Variants in DMXL2 observed in about 807,000 individuals in gnomAD.
The protein encoded by DMXL2 is Dmx like 2.
A neutral mutation model predicts 331.1 loss-of-function variants in DMXL2; 103 were observed. The ratio of observed to expected loss-of-function variants is 0.31; its 90% confidence interval spans 0.27 to 0.37. The LOEUF (loss-of-function observed/expected upper bound fraction) is 0.37. DMXL2 is among the 10% of genes least tolerant of loss of function. The pLI, the probability that DMXL2 is intolerant of heterozygous loss-of-function variation, is 1.00. For synonymous variants in DMXL2, 1,281 were observed against 1,252.1 expected (o/e 1.02, Z -0.49); for missense variants, 3,171 against 3,642.9 (o/e 0.87, Z 3.33).
At chr15:51,558,655 C>T (rs1476924433) in intron 6 of DMXL2, among the ~76,000 whole-genome samples, 1 of 152,100 alleles carries the variant, frequency 6.6e-6, no homozygotes, top group Non-Finnish European at 1.5e-5. Context: ...ACCTCTGTGC[C>T]AACTAACTGC....
intron 27 of DMXL2, 130 bp downstream of exon 27, chr15:51,476,459 A>G (rs1408335915): frequency 1.4e-5 from 15 of 1,081,492 alleles, no homozygotes; most frequent in Admixed American, 2.5e-5. Context: ...GCAGAAAAAC[A>G]TCATCAAAAA....
At chr15:51,593,300 G>A (rs1392312982) in intron 1 of DMXL2, among the ~76,000 whole-genome samples, 2 of 152,086 alleles carry the variant, frequency 1.3e-5, no homozygotes, top group Non-Finnish European at 2.9e-5. Flanking sequence ...AACCAACAAA[G>A]ATCAAAAGAG....
intron 1 of DMXL2, among the ~76,000 whole-genome samples, chr15:51,588,178 G>C (rs2052009283): frequency 6.8e-6 from 1 of 146,258 alleles, no homozygotes; most frequent in Admixed American, 6.8e-5. Context: ...TTTTTTTTGA[G>C]ATGAGGTCTC....
Position 51,537,678 on chromosome 15 carries a change from G to A in DMXL2, c.1427C>T (p.Thr476Ile), listed in dbSNP as rs757537450. The A allele has an allele frequency of 6.2e-7, 1 of 1,613,878 alleles. No homozygotes were observed. The change falls in exon 11 of 44, where the codon ACT (threonine) becomes ATT (isoleucine). Residue 476 changes from threonine to isoleucine, a missense_variant. This residue lies in a region of DMXL2 where 1,674 missense variants were observed against 1,780.2 expected (regional missense o/e 0.94). Transcript: ENST00000560891. The part of the protein sequence containing the change: ...EDGEREGSPR[T>I]YSRLSVPMPL... ...CATTGGTACACTAAGTCGTGAGTAA[G>A]TTCTAGGACTTCCTTCTCTTTCTCC...
At chr15:51,471,444 C>A in intron 28 of DMXL2, 43 bp from the exon 29 acceptor site, 1 of 1,536,324 alleles carries the variant, frequency 6.5e-7, no homozygotes, top group South Asian at 1.2e-5. Context: ...CATTCATTTT[C>A]CATTGTTAAT....
At chr15:51,509,203 A>C (rs2046601384) in intron 15 of DMXL2, among the ~76,000 whole-genome samples, 1 of 152,146 alleles carries the variant, frequency 6.6e-6, no homozygotes, top group Admixed American at 6.5e-5. Flanking sequence ...TTAAAAAAAA[A>C]AACTTGCTCT....
intron 1 of DMXL2, among the ~76,000 whole-genome samples, chr15:51,614,273 G>GA (rs534062505): frequency 7.6e-4 from 115 of 151,968 alleles, no homozygotes; most frequent in African/African-American, 2.6e-3. Context: ...GAACTGTGAG[G>GA]AAAAAAAATC....
At chr15:51,550,685 G>T (rs898078174) in intron 6 of DMXL2, among the ~76,000 whole-genome samples, 1 of 152,030 alleles carries the variant, frequency 6.6e-6, no homozygotes, top group African/African-American at 2.4e-5. Flanking sequence ...TTTTTAAAAT[G>T]TTCCAATACA....
At chr15:51,532,532 T>C (rs1166789860) in intron 13 of DMXL2, among the ~76,000 whole-genome samples, 1 of 152,184 alleles carries the variant, frequency 6.6e-6, no homozygotes, top group African/African-American at 2.4e-5. Flanking sequence ...AAGAGTGTAA[T>C]TAGATCATTT....
chr15:51,536,553 T>C lies in DMXL2; in HGVS notation c.1927A>G (p.Lys643Glu). The C allele has an allele frequency of 1.2e-6, 2 of 1,613,934 alleles. No homozygotes were observed. The highest frequency in any genetic ancestry group is 8.5e-7 in the Non-Finnish European group (1 of 1,179,926). ...AFTTVLTVSHKFRYCGHRFHL... is the reference protein window; with the variant it reads ...AFTTVLTVSHEFRYCGHRFHL... ...AATCGATGACCGCAATATCTAAATT[T>C]GTGAGATACAGTTAGAACAGTGGTA... Residue 643 changes from lysine (K) to glutamate (E), a missense_variant, in exon 12 of 44, where the codon AAA becomes GAA. By Grantham distance (56) the Lys-to-Glu change is moderately conservative (BLOSUM62 1). This residue lies in a region of DMXL2 where 1,674 missense variants were observed against 1,780.2 expected (regional missense o/e 0.94). Transcript: ENST00000560891.
chr15:51,572,671 C>G (rs1373160992), intron 2 of DMXL2, among the ~76,000 whole-genome samples: 1 of 152,072 alleles, frequency 6.6e-6, no homozygotes, highest in East Asian at 1.9e-4. Context: ...ATAAAGAGAA[C>G]CGATGACAAA....
intron 15 of DMXL2, among the ~76,000 whole-genome samples, chr15:51,509,854 C>T (rs1384335824): frequency 1.3e-5 from 2 of 152,124 alleles, no homozygotes; most frequent in East Asian, 3.8e-4. Context: ...AAAGCTTATC[C>T]ACCACGATCA....
chr15:51,512,772 C>T (rs183386636), intron 15 of DMXL2, among the ~76,000 whole-genome samples: 81 of 148,832 alleles, frequency 5.4e-4, no homozygotes, highest in African/African-American at 1.3e-3. Context: ...GCTGAGATGA[C>T]GCCACTGCAC....
At chr15:51,496,031 C>G (rs2043151839) in intron 18 of DMXL2, among the ~76,000 whole-genome samples, 1 of 151,954 alleles carries the variant, frequency 6.6e-6, no homozygotes, top group Admixed American at 6.6e-5. Context: ...TATTTATGGA[C>G]ATGAGATCTC....
intron 33 of DMXL2, chr15:51,463,044 A>T (rs976239392): frequency 1.3e-5 from 2 of 159,850 alleles, no homozygotes; most frequent in Non-Finnish European, 2.7e-5. Flanking sequence ...TATTTTAAGT[A>T]CATATTTGGA....
Position 51,572,242 on chromosome 15 carries a change from T to C in DMXL2, c.214-3684A>G, listed in dbSNP as rs150581119. 4.2e-5 allele frequency among the ~76,000 whole-genome samples: 5 copies of C among 118,582 alleles called. No homozygotes were observed. The East Asian group carries it at 6.7e-4, about 16-fold the overall frequency. The allele number at this position is 118,582 out of a possible 152,430, so 77.8% of individuals were successfully genotyped here. A position where few individuals can be genotyped will look rare whatever the true frequency, so the allele number is the denominator to read the frequency against. On this transcript the variant is annotated intron_variant, in intron 2 of 43. Coordinates refer to ENST00000560891, the MANE Select transcript of DMXL2 (RefSeq NM_001378457.1). ...CTCCCAATACTAAACCAGGAAGAAG[T>C]TGAATCCCTGAATAGACCAATAAGA...
chr15:51,571,375 G>A (rs12438491), intron 2 of DMXL2, among the ~76,000 whole-genome samples: 73,029 of 151,794 alleles, frequency 0.48, 17,860 homozygotes, highest in Non-Finnish European at 0.52. Flanking sequence ...TAGACACATC[G>A]ACAAGACAGA....
chr15:51,449,013 T>C lies in DMXL2; in HGVS notation c.9148A>G (p.Ile3050Val), dbSNP rs1207395490. ...KTRVLPNAFN[I>V]PNRILDIL ...AGAATGTCAAGAATTCTGTTAGGGATGTTAAAAGCATTGGGCAAAACCCTG... is the reference window on the plus strand; with the variant it reads ...AGAATGTCAAGAATTCTGTTAGGGACGTTAAAAGCATTGGGCAAAACCCTG... The change falls in exon 44 of 44, where the codon ATC (isoleucine) becomes GTC (valine). Residue 3050 changes from isoleucine (I) to valine (V), a missense_variant. Ile to Val is a conservative substitution (Grantham distance 29). Coordinates refer to ENST00000560891, the MANE Select transcript of DMXL2 (RefSeq NM_001378457.1). 3.7e-6 allele frequency: 6 copies of C among 1,614,038 alleles called. No individual in the cohort carries two copies. Among genetic ancestry groups the C allele is most frequent in the Non-Finnish European group, 5.1e-6 (6 of 1,180,028 alleles).
At chr15:51,564,011 A>G in intron 5 of DMXL2, 114 bp downstream of exon 5, 1 of 1,137,256 alleles carries the variant, frequency 8.8e-7, no homozygotes, top group Non-Finnish European at 1.2e-6. Context: ...TCTACTTTCT[A>G]GGCATCTAAA....
Sources: allele counts gnomAD v4.1 joint callset (sites outside exome capture counted in the v4.1 genomes callset), GRCh38; gene constraint gnomAD v4.1.1; regional missense constraint gnomAD v4.1.1; transcripts MANE v1.5; gene names NCBI Gene and HGNC (gene_info 2026-07-23, HGNC 2026-07-21).